Variants in CPPED1 observed in about 807,000 individuals in gnomAD.
CPPED1 encodes serine/threonine-protein phosphatase CPPED1.
A neutral mutation model predicts 28.0 loss-of-function variants in CPPED1; 28 were observed. That is an observed-to-expected ratio of 1.00 (90% confidence interval 0.74 to 1.37). The LOEUF (loss-of-function observed/expected upper bound fraction) is 1.37. Ranked by LOEUF, CPPED1 falls within the 40% of genes most tolerant of loss-of-function variation. CPPED1 has a pLI of 0.00. For missense variants in CPPED1, 504 were observed against 416.5 expected (o/e 1.21, Z -1.83); for synonymous variants, 198 against 180.2 (o/e 1.10, Z -0.79).
intron 2 of CPPED1, among the ~76,000 whole-genome samples, chr16:12,726,792 G>A (rs1256987333): frequency 2.6e-5 from 4 of 151,994 alleles, no homozygotes; most frequent in Non-Finnish European, 5.9e-5. Flanking sequence ...CTGGGTGACA[G>A]AGCAAGACCC....
At chr16:12,758,528 C>T (rs2080387096) in intron 2 of CPPED1, among the ~76,000 whole-genome samples, 1 of 152,190 alleles carries the variant, frequency 6.6e-6, no homozygotes, top group South Asian at 2.1e-4. Context: ...TACTGAGTGC[C>T]TGTCACATGC....
At chr16:12,753,172 A>G (rs2080341396) in intron 2 of CPPED1, 1 of 152,102 alleles carries the variant, frequency 6.6e-6, no homozygotes, top group Non-Finnish European at 1.5e-5. Context: ...ACACACTGCT[A>G]TGGACTGAAT....
intron 3 of CPPED1, among the ~76,000 whole-genome samples, chr16:12,700,595 C>G (rs2080015297): frequency 6.6e-6 from 1 of 152,214 alleles, no homozygotes; most frequent in Non-Finnish European, 1.5e-5. Context: ...TTTCGCCCTG[C>G]TGGCCAGGCT....
intron 2 of CPPED1, among the ~76,000 whole-genome samples, chr16:12,770,802 AC>A (rs1257379355): frequency 6.7e-6 from 1 of 150,190 alleles, no homozygotes; most frequent in African/African-American, 2.4e-5. Context: ...AGCCTGGGTG[AC>A]AGAGTGAGGC....
chr16:12,704,008 TGGA>T (rs1699959102), intron 3 of CPPED1, among the ~76,000 whole-genome samples: 2 of 152,222 alleles, frequency 1.3e-5, no homozygotes, highest in Admixed American at 6.5e-5. Flanking sequence ...CTCCTGATTC[TGGA>T]GGAGAACTTA....
intron 1 of CPPED1, among the ~76,000 whole-genome samples, chr16:12,795,426 G>A (rs141396004): frequency 4.7e-4 from 71 of 152,078 alleles, no homozygotes; most frequent in African/African-American, 1.6e-3. Flanking sequence ...TGCAAACTCC[G>A]CCTCCCAGGC....
intron 1 of CPPED1, among the ~76,000 whole-genome samples, chr16:12,792,041 C>T (rs930582689): frequency 2.6e-5 from 4 of 151,954 alleles, no homozygotes; most frequent in Non-Finnish European, 4.4e-5. Flanking sequence ...AACCTCCGTC[C>T]CCCAGGTTCA....
Position 12,682,803 on chromosome 16 carries a change from T to A in CPPED1, c.716-17688A>T, listed in dbSNP as rs1037136966. On this transcript the variant is annotated intron_variant, in intron 3 of 3. Transcript: ENST00000381774. The surrounding 1 kb of genome is among the most constrained non-coding windows in gnomAD (Gnocchi z 6.1). ...CAAATTACATCTTTCTCACTATTCATAATTTCCTCTTTATTTTTAAAAGAA... is the reference window on the plus strand; with the variant it reads ...CAAATTACATCTTTCTCACTATTCAAAATTTCCTCTTTATTTTTAAAAGAA... Among the ~76,000 whole-genome samples, 1 of 152,060 alleles carries A rather than the reference T, an allele frequency of 6.6e-6. No homozygotes were observed. Among genetic ancestry groups the A allele is most frequent in the African/African-American group, 2.4e-5 (1 of 41,456 alleles).
intron 2 of CPPED1, among the ~76,000 whole-genome samples, chr16:12,718,437 G>C (rs539660303): frequency 1.3e-5 from 2 of 151,430 alleles, no homozygotes; most frequent in South Asian, 2.1e-4. Context: ...TACTTGAGAG[G>C]CTGAGGCTGG....
intron 2 of CPPED1, among the ~76,000 whole-genome samples, chr16:12,771,796 C>T (rs2080471709): frequency 6.6e-6 from 1 of 152,178 alleles, no homozygotes; most frequent in South Asian, 2.1e-4. Flanking sequence ...GGCTTTATTT[C>T]CCAATTCTAT....
At chr16:12,690,251 C>T (rs1274349842) in intron 3 of CPPED1, among the ~76,000 whole-genome samples, 2 of 152,156 alleles carry the variant, frequency 1.3e-5, no homozygotes, top group African/African-American at 2.4e-5. Flanking sequence ...GTGGCTCATG[C>T]GTATAACCAC....
intron 3 of CPPED1, among the ~76,000 whole-genome samples, chr16:12,671,575 G>C (rs2079852957): frequency 3.3e-5 from 5 of 152,208 alleles, no homozygotes; most frequent in Admixed American, 3.3e-4. Context: ...GTGGGCAGGT[G>C]TGGATCAGCT....
At chr16:12,697,539 T>A (rs1045245986) in intron 3 of CPPED1, among the ~76,000 whole-genome samples, 1 of 152,162 alleles carries the variant, frequency 6.6e-6, no homozygotes, top group Non-Finnish European at 1.5e-5. Context: ...ACATACAGAA[T>A]GTGGACAAGG....
chr16:12,664,990 C>G lies in CPPED1; in HGVS notation c.841G>C (p.Val281Leu), dbSNP rs374948695. The change falls in exon 4 of 4, where the codon GTG (valine) becomes CTG (leucine). Residue 281 changes from valine to leucine, a missense_variant. Physicochemically the swap from Val to Leu is conservative, Grantham distance 32. Coordinates refer to ENST00000381774, the MANE Select transcript of CPPED1 (RefSeq NM_018340.3). The surrounding 1 kb of genome is among the most constrained non-coding windows in gnomAD (Gnocchi z 4.2). ...LGRDPHGLRV[V>L]VVTAEKIVHR... ...ACAATTTTCTCGGCGGTGACCACCA[C>G]GACTCGGAGCCCGTGGGGGTCTCTG... 6.2e-7 allele frequency: 1 copy of G among 1,611,618 alleles called. No homozygotes were observed. Among genetic ancestry groups the G allele is most frequent in the Admixed American group, 1.7e-5 (1 of 59,212 alleles).
chr16:12,684,525 C>T (rs1035643915), intron 3 of CPPED1, among the ~76,000 whole-genome samples: 1 of 152,156 alleles, frequency 6.6e-6, no homozygotes, highest in African/African-American at 2.4e-5. Flanking sequence ...CCAGCCTCTG[C>T]CCATGTTGTG....
chr16:12,798,754 C>A (rs761563745), intron 1 of CPPED1, among the ~76,000 whole-genome samples: 1 of 152,206 alleles, frequency 6.6e-6, no homozygotes, highest in Admixed American at 6.5e-5. Flanking sequence ...TTTAGGATTT[C>A]TTCAAAACAG....
At chr16:12,673,964 G>C (rs1244087529) in intron 3 of CPPED1, among the ~76,000 whole-genome samples, 1 of 152,092 alleles carries the variant, frequency 6.6e-6, no homozygotes, top group Non-Finnish European at 1.5e-5. Flanking sequence ...AGGGAGGATT[G>C]CTTGAGCTCA....
At chr16:12,679,652 C>G (rs1560113) in intron 3 of CPPED1, among the ~76,000 whole-genome samples, 98,784 of 152,028 alleles carry the variant, frequency 0.65, 35,028 homozygotes, top group Non-Finnish European at 0.82. Flanking sequence ...TTTACTTATT[C>G]CATTCAGGAT....
intron 1 of CPPED1, among the ~76,000 whole-genome samples, chr16:12,789,669 G>A (rs1012432279): frequency 2.6e-5 from 4 of 152,058 alleles, no homozygotes; most frequent in Admixed American, 1.3e-4. Context: ...GGGAGCACAG[G>A]TGCGCGACAC....
Sources: gnomAD v4.1 joint callset for allele counts (sites outside exome capture counted in the v4.1 genomes callset) on GRCh38, gnomAD v4.1.1 for gene constraint, Gnocchi (gnomAD v3.1) non-coding constraint, MANE v1.5 for transcripts, NCBI Gene and HGNC (gene_info 2026-07-23, HGNC 2026-07-21) for gene names.